Variants in LMNTD1 observed in about 807,000 individuals in gnomAD.
LMNTD1 encodes the protein lamin tail domain-containing protein 1.
Under a neutral mutation model 50.9 loss-of-function variants are expected in LMNTD1, and 35 were observed. That is an observed-to-expected ratio of 0.69 (90% CI 0.53 to 0.91). LMNTD1 has a LOEUF of 0.91. Among genes scored for constraint, LMNTD1 ranks in the 40% least tolerant of loss-of-function variants. The probability of loss-of-function intolerance (pLI) is 0.00; values close to 1 mark genes in which losing one functional copy is unlikely to be tolerated. For missense variants in LMNTD1, 470 were observed against 475.5 expected (o/e 0.99, Z 0.11); for synonymous variants, 153 against 161.9 (o/e 0.94, Z 0.42).
intron 1 of LMNTD1, among the ~76,000 whole-genome samples, chr12:25,614,478 A>T (rs1705402): frequency 0.092 from 14,037 of 152,102 alleles, 1,017 homozygotes; most frequent in African/African-American, 0.21. Context: ...GTCATCCATG[A>T]ACTGAGTTCA....
chr12:25,479,028 G>A (rs1367633507), intron 9 of LMNTD1, among the ~76,000 whole-genome samples: 1 of 152,070 alleles, frequency 6.6e-6, no homozygotes, highest in East Asian at 1.9e-4. Flanking sequence ...GGGATCTCCT[G>A]TATTCCATGA....
intron 1 of LMNTD1, among the ~76,000 whole-genome samples, chr12:25,593,668 TTACTC>T (rs1945767064): frequency 6.6e-6 from 1 of 151,874 alleles, no homozygotes; most frequent in African/African-American, 2.4e-5. Flanking sequence ...CACCTAAAAA[TTACTC>T]TAGCTCACCA....
At chr12:25,586,489 C>G (rs1190333792) in intron 1 of LMNTD1, among the ~76,000 whole-genome samples, 2 of 152,164 alleles carry the variant, frequency 1.3e-5, no homozygotes, top group East Asian at 3.8e-4. Context: ...AGTTGTCCTC[C>G]ACTTTCATTT....
intron 1 of LMNTD1, among the ~76,000 whole-genome samples, chr12:25,565,031 T>C (rs1242370107): frequency 6.6e-6 from 1 of 152,194 alleles, no homozygotes; most frequent in Non-Finnish European, 1.5e-5. Flanking sequence ...TTTTGTCTGA[T>C]ATAAGTATAG....
At chr12:25,568,705 G>A (rs1944660776) in intron 1 of LMNTD1, among the ~76,000 whole-genome samples, 1 of 152,186 alleles carries the variant, frequency 6.6e-6, no homozygotes, top group Non-Finnish European at 1.5e-5. Context: ...TTCAGCCATG[G>A]CTCAAAGTGC....
At chr12:25,593,574 C>T (rs183585167) in intron 1 of LMNTD1, among the ~76,000 whole-genome samples, 1 of 152,002 alleles carries the variant, frequency 6.6e-6, no homozygotes, top group Non-Finnish European at 1.5e-5. Flanking sequence ...GAGCCCTAGG[C>T]CTTCCCAAAG....
chr12:25,574,767 C>T (rs1313463742), intron 1 of LMNTD1, among the ~76,000 whole-genome samples: 4 of 152,124 alleles, frequency 2.6e-5, no homozygotes, highest in Non-Finnish European at 5.9e-5. Context: ...TATTGAGCAT[C>T]TTTATTCCTT....
At chr12:25,544,660 A>G (rs959352502) in intron 4 of LMNTD1, among the ~76,000 whole-genome samples, 35 of 151,272 alleles carry the variant, frequency 2.3e-4, no homozygotes, top group African/African-American at 8.5e-4. Context: ...TGGTTAAGTA[A>G]TTTTCTTTGG....
rs189533901 is a variant in LMNTD1 at position 25,566,700 on chromosome 12, T to C, written c.59-20146A>G. On this transcript the variant is annotated intron_variant, in intron 1 of 7. Transcript: ENST00000445693. ...GTCTTTTCTTCCTCCCTGGTAACCA[T>C]GCATATAACAAATTTGAAGTTAGGA... Among the ~76,000 whole-genome samples the C allele has an allele frequency of 2.8e-3, 434 of 152,300 alleles. 3 individuals are homozygous for C. Among genetic ancestry groups the C allele is most frequent in the South Asian group, 4.8e-3 (23 of 4,826 alleles).
chr12:25,639,499 G>A (rs976871584), intron 1 of LMNTD1, among the ~76,000 whole-genome samples: 32 of 152,092 alleles, frequency 2.1e-4, no homozygotes, highest in Non-Finnish European at 2.5e-4. Flanking sequence ...AATGGGTAAA[G>A]AAGTTGAATA....
intron 1 of LMNTD1, among the ~76,000 whole-genome samples, chr12:25,570,193 T>A (rs1218701754): frequency 6.6e-6 from 1 of 152,222 alleles, no homozygotes; most frequent in East Asian, 1.9e-4. Context: ...TCAGGCATGC[T>A]CCTTGGTCTT....
At chr12:25,492,903 G>A (rs1236923525) in intron 9 of LMNTD1, among the ~76,000 whole-genome samples, 1 of 152,122 alleles carries the variant, frequency 6.6e-6, no homozygotes, top group Non-Finnish European at 1.5e-5. Context: ...TCATCTCCTT[G>A]TTCCTTCTTT....
At chr12:25,588,602 A>G (rs1251115943) in intron 1 of LMNTD1, among the ~76,000 whole-genome samples, 1 of 152,198 alleles carries the variant, frequency 6.6e-6, no homozygotes, top group Admixed American at 6.5e-5. Context: ...TCAAAAAAAA[A>G]TCAAGGTAAT....
chr12:25,526,757 T>A lies in LMNTD1; in HGVS notation c.678+12A>T. ...CAATTCTAATGTACAGTATTTATAC[T>A]CTTATACTCACTGTTACTGTGGAAT... On this transcript the variant is annotated intron_variant, in intron 5 of 9. Transcript: ENST00000458174. 1 of 1,568,652 alleles carries A rather than the reference T, an allele frequency of 6.4e-7. No homozygotes were observed.
intron 1 of LMNTD1, among the ~76,000 whole-genome samples, chr12:25,577,990 C>A (rs1187788756): frequency 6.6e-6 from 1 of 152,134 alleles, no homozygotes; most frequent in South Asian, 2.1e-4. Flanking sequence ...CCTACTAGCA[C>A]CTTGACTTCA....
intron 1 of LMNTD1, among the ~76,000 whole-genome samples, chr12:25,633,252 G>T (rs1441202375): frequency 6.6e-6 from 1 of 151,992 alleles, no homozygotes; most frequent in Non-Finnish European, 1.5e-5. Context: ...TCCACTGACA[G>T]CACTAGATAG....
intron 1 of LMNTD1, among the ~76,000 whole-genome samples, chr12:25,610,149 A>G (rs1000614456): frequency 1.3e-5 from 2 of 152,200 alleles, no homozygotes; most frequent in South Asian, 2.1e-4. Context: ...TGAGCCATGC[A>G]TGGGATTTAA....
intron 1 of LMNTD1, among the ~76,000 whole-genome samples, chr12:25,599,007 G>C (rs1565511629): frequency 6.6e-6 from 1 of 151,530 alleles, no homozygotes; most frequent in Non-Finnish European, 1.5e-5. Context: ...TACGAGGCCA[G>C]TATTATTGAA....
At chr12:25,554,323 C>T (rs185903097), upstream of LMNTD1, among the ~76,000 whole-genome samples, 21 of 152,314 alleles carry the variant, frequency 1.4e-4, no homozygotes, top group East Asian at 3.9e-3. Flanking sequence ...AGCATAAAGT[C>T]GTTATGACCT....
Sources: gnomAD v4.1 joint callset for allele counts (sites outside exome capture counted in the v4.1 genomes callset) on GRCh38, gnomAD v4.1.1 for gene constraint, MANE v1.5 for transcripts, NCBI Gene and HGNC (gene_info 2026-07-23, HGNC 2026-07-21) for gene names.